LSS: variants seen among roughly 807,000 people sequenced by gnomAD.
LSS encodes the protein lanosterol synthase, also known as 2,3-epoxysqualene-lanosterol cyclase.
LSS carries 90 observed loss-of-function variants against 110.3 expected under a neutral mutation model. That is an observed-to-expected ratio of 0.82 (90% CI 0.69 to 0.97). The LOEUF (loss-of-function observed/expected upper bound fraction) is 0.97. LSS is among the 50% of genes least tolerant of loss of function. The pLI is 0.00. For missense variants in LSS, 927 were observed against 990.0 expected, an observed-to-expected ratio of 0.94 and a Z score of 0.85; for synonymous variants, 433 against 400.0, an observed-to-expected ratio of 1.08 and a Z score of -0.98.
At chr21:46,226,000 C>A (rs1249311573) in intron 3 of LSS, among the ~76,000 whole-genome samples, 3 of 152,018 alleles carry the variant, frequency 2.0e-5, no homozygotes, top group African/African-American at 7.3e-5. Context: ...GGGAGAAAAA[C>A]CTACCGACCC....
chr21:46,211,505 C>T (rs1362229611), intron 11 of LSS, among the ~76,000 whole-genome samples: 3 of 152,162 alleles, frequency 2.0e-5, no homozygotes, highest in African/African-American at 7.2e-5. Flanking sequence ...CCTCAAATCT[C>T]ACCCCGAGCT....
In LSS at chr21:46,216,734, C is replaced by T. The variant is rs898624404; in HGVS notation, c.648-210G>A. 1.3e-5 allele frequency among the ~76,000 whole-genome samples: 2 copies of T among 152,154 alleles called. No individual in the cohort carries two copies. Among genetic ancestry groups the T allele is most frequent in the East Asian group, 1.9e-4 (1 of 5,192 alleles). On this transcript the variant is annotated intron_variant, in intron 6 of 21. Coordinates refer to ENST00000397728, the MANE Select transcript of LSS (RefSeq NM_002340.6). The surrounding 1 kb of genome is among the most constrained non-coding windows in gnomAD (Gnocchi z 4.2). ...CTCTGAGGAGCTGCACCTCCTAGTT[C>T]GGTCAGCATTTTGCATCCTAAAACC... is the stretch of plus-strand genomic sequence containing the variant.
At chr21:46,213,488 G>T (rs1045656347) in intron 10 of LSS, among the ~76,000 whole-genome samples, 1 of 152,150 alleles carries the variant, frequency 6.6e-6, no homozygotes, top group Non-Finnish European at 1.5e-5. Flanking sequence ...ACCTGAACCT[G>T]CCCTGCTACC....
At chr21:46,214,750 G>A (rs139884778) in intron 9 of LSS, among the ~76,000 whole-genome samples, 25 of 152,312 alleles carry the variant, frequency 1.6e-4, no homozygotes, top group African/African-American at 5.8e-4. Flanking sequence ...TAGGCAGGAG[G>A]AATCAGGAGT....
At chr21:46,207,722 G>A (rs150673750) in intron 14 of LSS, 145 bp from the exon 15 acceptor site, 2 of 937,124 alleles carry the variant, frequency 2.1e-6, no homozygotes, top group South Asian at 1.7e-5. Context: ...GTGCAGCCAG[G>A]GCCCCAAGCT....
At chr21:46,206,005 A>C in intron 16 of LSS, 64 bp from the exon 17 acceptor site, 2 of 1,246,502 alleles carry the variant, frequency 1.6e-6, no homozygotes, top group Non-Finnish European at 2.3e-6. Context: ...TCTGCAGCTC[A>C]GGCAAAGCCA....
At chr21:46,195,822 G>A (rs1209376561) in intron 18 of LSS, 66 bp from the exon 19 acceptor site, 10 of 1,336,448 alleles carry the variant, frequency 7.5e-6, no homozygotes, top group African/African-American at 2.9e-5. Context: ...GAAACAACAC[G>A]CATTCTGCAA....
chr21:46,211,035 C>T (rs1162036098), intron 11 of LSS, among the ~76,000 whole-genome samples: 1 of 152,230 alleles, frequency 6.6e-6, no homozygotes, highest in Non-Finnish European at 1.5e-5. Flanking sequence ...TGGACGATCC[C>T]TTAGAGGCTC....
intron 5 of LSS, among the ~76,000 whole-genome samples, chr21:46,219,853 G>C (rs1457757889): frequency 6.6e-6 from 1 of 152,208 alleles, no homozygotes; most frequent in Non-Finnish European, 1.5e-5. Context: ...CCAGGAAGGA[G>C]CACATGAAGA....
At chr21:46,219,122 G>C (rs1365052979) in intron 6 of LSS, among the ~76,000 whole-genome samples, 1 of 152,164 alleles carries the variant, frequency 6.6e-6, no homozygotes, top group Non-Finnish European at 1.5e-5. Context: ...GACAAACGCA[G>C]CAGCAGCAAC....
rs777961826 is a variant in LSS, at chr21:46,195,700, C to T, written c.1793G>A (p.Cys598Tyr). 49 of 1,613,762 alleles carry T rather than the reference C, an allele frequency of 3.0e-5. No individual in the cohort carries two copies. Among genetic ancestry groups the T allele is most frequent in the Admixed American group, 6.7e-5 (4 of 60,010 alleles). The change falls in exon 19 of 22, where the codon TGT (cysteine) becomes TAT (tyrosine). Residue 598 changes from cysteine (C) to tyrosine (Y), a missense_variant. By Grantham distance (194) the Cys-to-Tyr change is radical. Transcript: ENST00000397728. ...CCCATCTCGGTAGGTCTGCCCCATA[C>T]AGGCGAAGGCCTCCAGGCCAAACCA... Reference protein sequence around the residue: ...GTWFGLEAFACMGQTYRDGTA... With the variant: ...GTWFGLEAFAYMGQTYRDGTA...
chr21:46,210,627 G>A (rs928009470), intron 12 of LSS, 61 bp downstream of exon 12: 1 of 1,521,156 alleles, frequency 6.6e-7, no homozygotes, highest in Non-Finnish European at 9.1e-7. Flanking sequence ...TCAGGTGGAT[G>A]CGTGGGCTCA....
Position 46,194,666 on chromosome 21 carries a change from A to G in LSS, c.1818-5T>C, listed in dbSNP as rs1375700882. 7.4e-6 allele frequency: 12 copies of G among 1,610,770 alleles called. No homozygotes were observed. The highest frequency in any genetic ancestry group is 9.3e-6 in the Non-Finnish European group (11 of 1,179,636). On this transcript the variant is annotated splice_polypyrimidine_tract_variant and splice_region_variant and intron_variant, in intron 19 of 21. Transcript: ENST00000397728. ...GAGACCTCTGCACAGGCAGTCCTGCAAAGACCAGAGACAGGAGACACCATC... is the reference window on the plus strand; with the variant it reads ...GAGACCTCTGCACAGGCAGTCCTGCGAAGACCAGAGACAGGAGACACCATC...
intron 6 of LSS, 32 bp downstream of exon 6, chr21:46,219,444 C>A (rs114475730): frequency 6.0e-6 from 9 of 1,507,656 alleles, no homozygotes; most frequent in Non-Finnish European, 8.1e-6. Context: ...ACAGCAGCAG[C>A]GACCCAACAA....
intron 20 of LSS, chr21:46,192,580 G>A (rs1233134843): frequency 1.1e-5 from 4 of 360,518 alleles, no homozygotes; most frequent in East Asian, 1.0e-4. Flanking sequence ...ATGTACATCT[G>A]TCTCCATGTA....
At chr21:46,211,336 A>G (rs769116383) in intron 11 of LSS, among the ~76,000 whole-genome samples, 16 of 152,254 alleles carry the variant, frequency 1.1e-4, no homozygotes, top group African/African-American at 2.4e-4. Flanking sequence ...TCACCATGTT[A>G]GCCAGGATGG....
rs781415658 is a variant in LSS at position 46,221,902 on chromosome 21, G to A, written c.502C>T (p.Pro168Ser). 3.1e-6 allele frequency: 5 copies of A among 1,614,114 alleles called. No homozygotes were observed. The highest frequency in any genetic ancestry group is 3.3e-5 in the Admixed American group (2 of 60,018). The change falls in exon 5 of 22, where the codon CCT becomes TCT. Residue 168 changes from proline to serine, a missense_variant. Coordinates refer to ENST00000397728, the MANE Select transcript of LSS (RefSeq NM_002340.6). ...GCTCGTACCAGGTCAGGATCGTCAG[G>A]CCCAACACCCAGAATTCTGAGAGAC... is the stretch of plus-strand genomic sequence containing the variant. The part of the protein sequence containing the change: ...YVSLRILGVG[P>S]DDPDLVRARN...
Position 46,189,039 on chromosome 21 carries a change from C to T in LSS, c.*2065G>A, listed in dbSNP as rs1018035386. 3 of 296,780 alleles carry T rather than the reference C, an allele frequency of 1.0e-5. No homozygotes were observed. The highest frequency in any genetic ancestry group is 3.1e-5 in the South Asian group (1 of 32,104). The allele number at this position is 296,780 out of a possible 1,614,324, so 18.4% of individuals were successfully genotyped here. ...CCTAAACCAGGCTGGGCCTCCCACT[C>T]GCCCCACAGGCAGGTGACGTATGAC... On this transcript the variant is annotated 3_prime_UTR_variant, in exon 22 of 22. Transcript: ENST00000397728.
chr21:46,188,797 G>C lies in LSS; in HGVS notation c.*2307C>G, dbSNP rs1325661868. The C allele has an allele frequency of 5.5e-5, 26 of 470,434 alleles. No individual in the cohort carries two copies. The Admixed American group carries it at 6.1e-4, about 11-fold the overall frequency. 29.1% of individuals were successfully genotyped at this position (470,434 alleles called of 1,614,324 possible). ...ATAACACCGAAGAGGGCAGGGAATC[G>C]CTGCGTCCTGTGACTTGAAGGCCAC... On this transcript the variant is annotated 3_prime_UTR_variant, in exon 22 of 22. Transcript: ENST00000397728.
Sources: gnomAD v4.1 joint callset for allele counts (sites outside exome capture counted in the v4.1 genomes callset) on GRCh38, gnomAD v4.1.1 for gene constraint, Gnocchi (gnomAD v3.1) non-coding constraint, MANE v1.5 for transcripts, NCBI Gene and HGNC (gene_info 2026-07-23, HGNC 2026-07-21) for gene names.